Variants in ABCA10 observed in about 807,000 individuals in gnomAD.
The protein encoded by ABCA10 is ATP-binding cassette sub-family A member 10.
In ABCA10, 169 loss-of-function variants were observed where a neutral mutation model predicts 187.5. That is an observed-to-expected ratio of 0.90 (90% confidence interval 0.80 to 1.02). The LOEUF is 1.02. Ranked by LOEUF, ABCA10 falls within the 50% of genes least tolerant of loss-of-function variation. ABCA10 has a pLI of 0.00. For missense variants in ABCA10, 1,727 were observed against 1,812.4 expected (o/e 0.95, Z 0.86); for synonymous variants, 574 against 601.8 (o/e 0.95, Z 0.68).
chr17:69,217,157 G>T (rs1426754527), intron 6 of ABCA10, among the ~76,000 whole-genome samples: 1 of 151,672 alleles, frequency 6.6e-6, no homozygotes, highest in Non-Finnish European at 1.5e-5. Context: ...TGAGGCAGGA[G>T]AATCACTTGA....
chr17:69,186,320 T>C (rs956467518), intron 19 of ABCA10, among the ~76,000 whole-genome samples: 1 of 152,128 alleles, frequency 6.6e-6, no homozygotes, highest in Non-Finnish European at 1.5e-5. Flanking sequence ...AACTCCTTCA[T>C]CTTATCGCCG....
At position 69,167,922 on chromosome 17, in the gene ABCA10, C is replaced by T. The variant is rs533740873; in HGVS notation, c.3163-2839G>A. 1.1e-4 allele frequency among the ~76,000 whole-genome samples: 17 copies of T among 152,056 alleles called. No individual in the cohort carries two copies. In the East Asian group the frequency reaches 1.9e-3, roughly 17 times the overall value. ...TTACACCATGTGTGTCTGTCTCTCC[C>T]GCCTCCCCTTCCACCTCTTCCACCT... is the stretch of plus-strand genomic sequence containing the variant. On this transcript the variant is annotated intron_variant, in intron 25 of 38. Transcript: ENST00000690296.
upstream of ABCA10, among the ~76,000 whole-genome samples, chr17:69,231,105 A>G (rs2144859249): frequency 6.6e-6 from 1 of 152,256 alleles, no homozygotes; most frequent in Non-Finnish European, 1.5e-5. Flanking sequence ...AAAGTGTCAG[A>G]GTCCGGAAGT....
chr17:69,192,467 G>C, intron 16 of ABCA10, 96 bp downstream of exon 16: 6 of 1,063,950 alleles, frequency 5.6e-6, no homozygotes, highest in Non-Finnish European at 6.8e-6. Flanking sequence ...TCTACCAGAA[G>C]TTAAGTTGCC....
At chr17:69,170,706 T>G (rs529687117) in intron 25 of ABCA10, among the ~76,000 whole-genome samples, 1 of 152,236 alleles carries the variant, frequency 6.6e-6, no homozygotes, top group South Asian at 2.1e-4. Flanking sequence ...AATTAAATTT[T>G]GGGAAATTGA....
chr17:69,191,863 TGTGA>T (rs2074462562), intron 16 of ABCA10, among the ~76,000 whole-genome samples: 2 of 152,238 alleles, frequency 1.3e-5, no homozygotes, highest in Non-Finnish European at 2.9e-5. Flanking sequence ...AGAGCTTGTT[TGTGA>T]GTATTTGATG....
chr17:69,170,937 A>C (rs535211755), intron 25 of ABCA10, among the ~76,000 whole-genome samples: 5 of 152,318 alleles, frequency 3.3e-5, no homozygotes, highest in African/African-American at 1.2e-4. Context: ...AAGAGACTAA[A>C]ATGAAACCCT....
upstream of ABCA10, among the ~76,000 whole-genome samples, chr17:69,231,116 C>T (rs774027298): frequency 2.6e-5 from 4 of 152,054 alleles, no homozygotes; most frequent in Non-Finnish European, 4.4e-5. Context: ...GTCCGGAAGT[C>T]CAAAAATCAT....
intron 10 of ABCA10, among the ~76,000 whole-genome samples, chr17:69,200,057 G>A (rs2074532863): frequency 6.6e-6 from 1 of 152,110 alleles, no homozygotes; most frequent in South Asian, 2.1e-4. Context: ...TCCTTTTCCT[G>A]TTGTCTCCTT....
At chr17:69,156,698 C>A (rs765700675) in intron 28 of ABCA10, 134 bp downstream of exon 28, 82 of 403,332 alleles carry the variant, frequency 2.0e-4, no homozygotes, top group Non-Finnish European at 3.0e-4. Context: ...ACATTCAGAT[C>A]TCAATTAGTA....
At position 69,219,751 on chromosome 17, in the gene ABCA10, T is replaced by G; in HGVS notation, c.324A>C (p.Val108=). The G allele has an allele frequency of 6.3e-7, 1 of 1,597,504 alleles. No individual in the cohort carries two copies. Among genetic ancestry groups the G allele is most frequent in the Non-Finnish European group, 8.5e-7 (1 of 1,172,600 alleles). The change falls in exon 6 of 39, where the codon GTA becomes GTC. Residue 108 remains valine, a synonymous_variant. Transcript: ENST00000690296. The stretch of plus-strand genomic sequence containing the variant: ...CAATAACTGATGTCAACTCCTCCAT[T>G]ACAGAATGATTTGTTGTGACCTAAA... ...AIIEVTTNHS[V]MEELTSVIGI... is the part of the protein sequence containing the mutation.
Position 69,182,655 on chromosome 17 carries a change from G to A in ABCA10, c.2631+20C>T. On this transcript the variant is annotated intron_variant, in intron 21 of 38. Transcript: ENST00000690296. Reference sequence around the variant, plus strand: ...AACAAAAAAAAACCAAAAAAAAACAGTGCATAGAAGCAAACATACCTTCTG... The same window carrying A: ...AACAAAAAAAAACCAAAAAAAAACAATGCATAGAAGCAAACATACCTTCTG... The A allele has an allele frequency of 6.4e-7, 1 of 1,566,314 alleles. No homozygotes were observed. Among genetic ancestry groups the A allele is most frequent in the East Asian group, 2.3e-5 (1 of 44,396 alleles).
chr17:69,192,751 A>G (rs1329548645), intron 15 of ABCA10, 98 bp from the exon 16 acceptor site: 12 of 1,015,884 alleles, frequency 1.2e-5, no homozygotes, highest in East Asian at 4.8e-5. Flanking sequence ...GAAATTTGTA[A>G]TATCAATACA....
At position 69,174,278 on chromosome 17, in the gene ABCA10, T is replaced by TA; in HGVS notation, c.3162+2dup. The TA allele has an allele frequency of 6.4e-7, 1 of 1,572,490 alleles. No individual in the cohort carries two copies. The highest frequency in any genetic ancestry group is 8.7e-7 in the Non-Finnish European group (1 of 1,155,456). ...AAATGTGCACGCATGTATATATACTTACAATAAAAAAGCCAAAAGACCAAA... is the reference window on the plus strand; with the variant it reads ...AAATGTGCACGCATGTATATATACTTAACAATAAAAAAGCCAAAAGACCAAA... On this transcript the variant is annotated splice_region_variant and intron_variant, in intron 25 of 38. Transcript: ENST00000690296.
At chr17:69,159,427 T>A (rs1042673555) in intron 27 of ABCA10, among the ~76,000 whole-genome samples, 3 of 152,100 alleles carry the variant, frequency 2.0e-5, no homozygotes, top group African/African-American at 7.2e-5. Flanking sequence ...TTTTAAAAAA[T>A]ATTCATATAC....
intron 22 of ABCA10, among the ~76,000 whole-genome samples, chr17:69,176,044 T>C (rs1367006164): frequency 4.6e-5 from 7 of 152,104 alleles, no homozygotes; most frequent in Non-Finnish European, 1.0e-4. Flanking sequence ...TGACCAAAGG[T>C]AACTGAAACA....
At position 69,160,538 on chromosome 17, in the gene ABCA10, C is replaced by T. The variant is rs1019806145; in HGVS notation, c.3363+3536G>A. ...AGGAGAATCACTTGAACCCAAGAGG[C>T]GGAGGTTGCAGAGAGCCGAGATTGC... On this transcript the variant is annotated intron_variant, in intron 27 of 38. Transcript: ENST00000690296. Among the ~76,000 whole-genome samples, 81 of 151,900 alleles carry T rather than the reference C, an allele frequency of 5.3e-4. 1 individual carries two copies. Among genetic ancestry groups the T allele is most frequent in the African/African-American group, 7.3e-5 (3 of 41,364 alleles).
At chr17:69,220,736 T>C (rs2074741700) in intron 5 of ABCA10, among the ~76,000 whole-genome samples, 1 of 152,214 alleles carries the variant, frequency 6.6e-6, no homozygotes. Flanking sequence ...CTAGCTCTTT[T>C]AGTCCCTAGC....
At chr17:69,231,670 T>C (rs1258979247), upstream of ABCA10, among the ~76,000 whole-genome samples, 2 of 152,162 alleles carry the variant, frequency 1.3e-5, no homozygotes, top group African/African-American at 2.4e-5. Flanking sequence ...TTGATGAGAC[T>C]TGTTCTGTGG....
Sources: gnomAD v4.1 joint callset for allele counts (sites outside exome capture counted in the v4.1 genomes callset) on GRCh38, gnomAD v4.1.1 for gene constraint, MANE v1.5 for transcripts, NCBI Gene and HGNC (gene_info 2026-07-23, HGNC 2026-07-21) for gene names.